PAAF1: variants seen among roughly 807,000 people sequenced by gnomAD.
PAAF1 encodes the protein proteasomal ATPase associated factor 1, also known as proteasomal ATPase-associated factor 1.
Under a neutral mutation model 52.8 loss-of-function variants are expected in PAAF1, and 46 were observed. That is an observed-to-expected ratio of 0.87 (90% confidence interval 0.69 to 1.11). The LOEUF is 1.11. PAAF1 is among the 50% of genes most tolerant of loss of function. The pLI, the probability that PAAF1 is intolerant of heterozygous loss-of-function variation, is 0.00. For synonymous variants in PAAF1, 178 were observed against 172.8 expected (o/e 1.03, Z -0.24); for missense variants, 424 against 477.4 (o/e 0.89, Z 1.04).
At chr11:73,905,500 G>A (rs937009584) in intron 6 of PAAF1, among the ~76,000 whole-genome samples, 7 of 152,068 alleles carry the variant, frequency 4.6e-5, no homozygotes, top group Non-Finnish European at 8.8e-5. Context: ...GGGATTACAG[G>A]CATGAGCTAC....
At chr11:73,879,844 G>T (rs1948844144) in intron 2 of PAAF1, 1 of 151,506 alleles carries the variant, frequency 6.6e-6, no homozygotes, top group Non-Finnish European at 1.5e-5. Context: ...TTGCACTTTT[G>T]CCTGGGTGAC....
chr11:73,906,442 G>C (rs1380819820), intron 6 of PAAF1, among the ~76,000 whole-genome samples: 1 of 152,136 alleles, frequency 6.6e-6, no homozygotes, highest in Non-Finnish European at 1.5e-5. Context: ...AGTAGAGACG[G>C]GTTTCGCTAC....
At chr11:73,886,422 TC>T (rs1330689685) in intron 2 of PAAF1, among the ~76,000 whole-genome samples, 1 of 152,132 alleles carries the variant, frequency 6.6e-6, no homozygotes, top group African/African-American at 2.4e-5. Context: ...ACGCCTGTAA[TC>T]CCAGCACTGT....
At chr11:73,911,710 C>T (rs114140150) in intron 7 of PAAF1, among the ~76,000 whole-genome samples, 1,560 of 150,526 alleles carry the variant, frequency 0.01, 31 homozygotes, top group African/African-American at 0.035. Flanking sequence ...ACTGCAGCCT[C>T]CACCTCCCAG....
chr11:73,877,090 AGTCAGAGGAGGCGGGTAGTGGAT>A (rs1309734327), intron 1 of PAAF1, 22 bp downstream of exon 1: 4 of 1,514,886 alleles, frequency 2.6e-6, no homozygotes, highest in Non-Finnish European at 3.5e-6. Context: ...CCCAGAACAG[AGTCAGAGGAGGCGGGTAGTGGAT>A]GTTGCTTTGC....
rs1205361532 is a variant in PAAF1, at chr11:73,891,128, C to G, written c.209C>G (p.Ser70Ter). The G allele has an allele frequency of 8.1e-6, 13 of 1,595,870 alleles. No individual in the cohort carries two copies. Among genetic ancestry groups the G allele is most frequent in the Non-Finnish European group, 1.0e-5 (12 of 1,165,132 alleles). The change falls in exon 4 of 12, where the codon TCA becomes TGA. Residue 70 changes from serine to a stop codon, truncating the protein, a stop_gained. Coordinates refer to ENST00000310571, the MANE Select transcript of PAAF1 (RefSeq NM_025155.3). LOFTEE classifies it high-confidence loss of function. ...NEINKKSIHI[S>*]CPKENASSKF... ...TTTGTTTAGAAAAGCATTCATATTT[C>G]ATGTCCAAAGGAAAATGCATCTTCT...
At chr11:73,897,019 G>A (rs1489173483) in intron 4 of PAAF1, among the ~76,000 whole-genome samples, 1 of 143,264 alleles carries the variant, frequency 7.0e-6, no homozygotes, top group African/African-American at 2.6e-5. Flanking sequence ...CGGCTGGCCG[G>A]GCAGAGGGGC....
In PAAF1 at chr11:73,914,413, G is replaced by C; in HGVS notation, c.728G>C (p.Ser243Thr). 6.2e-7 allele frequency: 1 copy of C among 1,613,906 alleles called. No homozygotes were observed. Among genetic ancestry groups the C allele is most frequent in the South Asian group, 1.1e-5 (1 of 91,080 alleles). ...TTAACATAGTTTATTTGTCATGCAGGTGAACGGGAGGTTGGAACAGAGGCC... is the reference window on the plus strand; with the variant it reads ...TTAACATAGTTTATTTGTCATGCAGCTGAACGGGAGGTTGGAACAGAGGCC... The part of the protein sequence containing the change: ...INLGSPEQMP[S>T]EREVGTEAKM... Residue 243 changes from serine to threonine, a missense_variant and splice_region_variant, in exon 8 of 12, where the codon AGT (serine) becomes ACT (threonine). Physicochemically the swap from Ser to Thr is moderately conservative, Grantham distance 58. Coordinates refer to ENST00000310571, the MANE Select transcript of PAAF1 (RefSeq NM_025155.3).
Position 73,891,133 on chromosome 11 carries a change from C to T in PAAF1, c.214C>T (p.Pro72Ser). 1 of 1,599,378 alleles carries T rather than the reference C, an allele frequency of 6.3e-7. No individual in the cohort carries two copies. The highest frequency in any genetic ancestry group is 8.6e-7 in the Non-Finnish European group (1 of 1,167,898). Residue 72 changes from proline (P) to serine (S), a missense_variant, in exon 4 of 12, where the codon CCA becomes TCA. Physicochemically the swap from Pro to Ser is moderately conservative, Grantham distance 74. Coordinates refer to ENST00000310571, the MANE Select transcript of PAAF1 (RefSeq NM_025155.3). Reference sequence around the variant, plus strand: ...TTAGAAAAGCATTCATATTTCATGTCCAAAGGAAAATGCATCTTCTAAGTT... The same window carrying T: ...TTAGAAAAGCATTCATATTTCATGTTCAAAGGAAAATGCATCTTCTAAGTT... The part of the protein sequence containing the change: ...INKKSIHISC[P>S]KENASSKFLA...
chr11:73,899,514 C>T lies in PAAF1; in HGVS notation c.381+270C>T, dbSNP rs144552449. Among the ~76,000 whole-genome samples the T allele has an allele frequency of 9.9e-3, 1,473 of 148,172 alleles. 21 individuals are homozygous for T. The highest frequency in any genetic ancestry group is 0.04 in the Middle Eastern group (11 of 278). On this transcript the variant is annotated intron_variant, in intron 5 of 11. Transcript: ENST00000310571. ...GCAACCTCCGCCTCCTGGGTTCAAG[C>T]GATTCTTGTGCCTCAGCCTCCCAAG...
intron 2 of PAAF1, among the ~76,000 whole-genome samples, chr11:73,881,792 T>C (rs997538496): frequency 3.3e-5 from 5 of 151,692 alleles, no homozygotes; most frequent in African/African-American, 1.2e-4. Flanking sequence ...CTGCAACCTC[T>C]GCCTCCTGGG....
At chr11:73,912,449 T>A (rs1357186954) in intron 7 of PAAF1, among the ~76,000 whole-genome samples, 1 of 152,200 alleles carries the variant, frequency 6.6e-6, no homozygotes, top group Admixed American at 6.5e-5. Flanking sequence ...TCTTTCCTCA[T>A]GTCCCACATC....
rs74454343 is a variant in PAAF1, at chr11:73,921,314, A to G, written c.1018+2282A>G. 4.7e-5 allele frequency among the ~76,000 whole-genome samples: 7 copies of G among 148,422 alleles called. No homozygotes were observed. The East Asian group carries it at 1.4e-3, about 29-fold the overall frequency. ...GACTGCCTCGCAAAAAAAAAAAAAA[A>G]TCTCTGTTGCAAGGTGATGTGTGGG... On this transcript the variant is annotated intron_variant, in intron 10 of 11. Coordinates refer to ENST00000310571, the MANE Select transcript of PAAF1 (RefSeq NM_025155.3).
At chr11:73,876,854 AG>A, upstream of PAAF1, 1 of 654,450 alleles carries the variant, frequency 1.5e-6, no homozygotes. Context: ...TTCAGGAACC[AG>A]CCCCTCGTGG....
chr11:73,917,953 G>C (rs1331811841), intron 9 of PAAF1, among the ~76,000 whole-genome samples: 1 of 151,918 alleles, frequency 6.6e-6, no homozygotes, highest in African/African-American at 2.4e-5. Flanking sequence ...AAAGACTGTT[G>C]TGCAGTGTGA....
intron 6 of PAAF1, among the ~76,000 whole-genome samples, chr11:73,903,320 C>T (rs779735822): frequency 2.6e-5 from 4 of 152,166 alleles, no homozygotes; most frequent in Non-Finnish European, 4.4e-5. Context: ...AGCTTAACAG[C>T]GTATATATAG....
chr11:73,909,416 A>G lies in PAAF1; in HGVS notation c.550A>G (p.Ile184Val). ...CTTGCTAGGTATCCTGGATACAGCC[A>G]TCGTTGATCGGGGGAGGAATGTGGT... Reference protein sequence around the residue: ...GHKGGILDTAIVDRGRNVVSA... With the variant: ...GHKGGILDTAVVDRGRNVVSA... The change falls in exon 7 of 12, where the codon ATC (isoleucine) becomes GTC (valine). Residue 184 changes from isoleucine (I) to valine (V), a missense_variant. By Grantham distance (29) the Ile-to-Val change is conservative. Transcript: ENST00000310571. 5.0e-6 allele frequency: 8 copies of G among 1,614,000 alleles called. No individual in the cohort carries two copies. The highest frequency in any genetic ancestry group is 1.1e-5 in the South Asian group (1 of 91,074).
chr11:73,892,506 A>G (rs1949227714), intron 4 of PAAF1, among the ~76,000 whole-genome samples: 1 of 152,178 alleles, frequency 6.6e-6, no homozygotes, highest in South Asian at 2.1e-4. Flanking sequence ...TAATAATCAT[A>G]GTAGTAAAGC....
Position 73,909,414 on chromosome 11 carries a change from C to T in PAAF1, c.548C>T (p.Ala183Val), listed in dbSNP as rs760418371. 1 of 1,613,988 alleles carries T rather than the reference C, an allele frequency of 6.2e-7. No individual in the cohort carries two copies. Among genetic ancestry groups the T allele is most frequent in the Non-Finnish European group, 8.5e-7 (1 of 1,179,938 alleles). Reference sequence around the variant, plus strand: ...CTCTTGCTAGGTATCCTGGATACAGCCATCGTTGATCGGGGGAGGAATGTG... The same window carrying T: ...CTCTTGCTAGGTATCCTGGATACAGTCATCGTTGATCGGGGGAGGAATGTG... Reference protein sequence around the residue: ...KGHKGGILDTAIVDRGRNVVS... With the variant: ...KGHKGGILDTVIVDRGRNVVS... The change falls in exon 7 of 12, where the codon GCC (alanine) becomes GTC (valine). Residue 183 changes from alanine to valine, a missense_variant. Coordinates refer to ENST00000310571, the MANE Select transcript of PAAF1 (RefSeq NM_025155.3).
Sources: gnomAD v4.1 joint callset for allele counts (sites outside exome capture counted in the v4.1 genomes callset) on GRCh38, gnomAD v4.1.1 for gene constraint, MANE v1.5 for transcripts, NCBI Gene and HGNC (gene_info 2026-07-23, HGNC 2026-07-21) for gene names.